The following STPG2 variants were observed in gnomAD, a reference collection of about 807,000 sequenced individuals.
STPG2 encodes the protein sperm tail PG-rich repeat containing 2.
In STPG2, 56 loss-of-function variants were observed where a neutral mutation model predicts 54.2. That is an observed-to-expected ratio of 1.03 (90% CI 0.83 to 1.29). The LOEUF (loss-of-function observed/expected upper bound fraction) is 1.29. Among genes scored for constraint, STPG2 ranks in the 50% most tolerant of loss-of-function variants. The pLI, the probability that STPG2 is intolerant of heterozygous loss-of-function variation, is 0.00. For synonymous variants in STPG2, 200 were observed against 181.8 expected (o/e 1.10, Z -0.81); for missense variants, 596 against 544.9 (o/e 1.09, Z -0.93).
intron 10 of STPG2, among the ~76,000 whole-genome samples, chr4:97,566,400 A>G (rs1321939047): frequency 6.6e-6 from 1 of 152,132 alleles, no homozygotes; most frequent in South Asian, 2.1e-4. Context: ...GAGTGAGGCA[A>G]TGCCTCGCCC....
intron 4 of STPG2, among the ~76,000 whole-genome samples, chr4:97,504,169 T>G (rs1730798266): frequency 6.8e-6 from 1 of 146,532 alleles, no homozygotes; most frequent in Non-Finnish European, 1.5e-5. Flanking sequence ...AATATTTATT[T>G]AAATATTTTA....
At chr4:98,104,917 T>C (rs1055109682) in intron 5 of STPG2, among the ~76,000 whole-genome samples, 4 of 152,172 alleles carry the variant, frequency 2.6e-5, no homozygotes, top group East Asian at 1.9e-4. Context: ...AGTATTACCA[T>C]TGTTGTGGAC....
At chr4:97,545,082 A>G (rs148344975) in intron 4 of STPG2, among the ~76,000 whole-genome samples, 308 of 152,224 alleles carry the variant, frequency 2.0e-3, no homozygotes, top group African/African-American at 7.3e-3. Context: ...GAAAGTCTGT[A>G]TATCTAAAAA....
intron 4 of STPG2, 133 bp from the exon 5 acceptor site, chr4:98,106,197 T>G: frequency 1.6e-6 from 1 of 617,436 alleles, no homozygotes; most frequent in Non-Finnish European, 2.4e-6. Context: ...TCTAGGTATA[T>G]TAGACCAATA....
intron 5 of STPG2, among the ~76,000 whole-genome samples, chr4:98,097,103 T>G: frequency 6.6e-6 from 1 of 152,180 alleles, no homozygotes; most frequent in Non-Finnish European, 1.5e-5. Flanking sequence ...AAGAAGAGAT[T>G]ACTTCCAAAC....
rs547236194 is a variant in STPG2 at position 97,566,057 on chromosome 4, G to A, written c.1321-6940C>T. ...CCCAGAGGTGGAGCCTACAGAGACA[G>A]GCAGGCCTCCTTGAGCTGTGGTGGG... is the stretch of plus-strand genomic sequence containing the variant. On this transcript the variant is annotated intron_variant, in intron 10 of 10. Coordinates refer to ENST00000295268, the MANE Select transcript of STPG2 (RefSeq NM_174952.3). Among the ~76,000 whole-genome samples the A allele has an allele frequency of 3.5e-3, 527 of 152,326 alleles. 4 individuals are homozygous for A. The highest frequency in any genetic ancestry group is 0.012 in the African/African-American group (490 of 41,576).
chr4:97,992,909 A>G (rs10025064), intron 5 of STPG2, among the ~76,000 whole-genome samples: 39,951 of 152,010 alleles, frequency 0.26, 5,705 homozygotes, highest in Middle Eastern at 0.36. Context: ...AAGCAGAGCT[A>G]CTGATTTGTG....
At chr4:97,805,062 C>T (rs1003984809) in intron 9 of STPG2, among the ~76,000 whole-genome samples, 7 of 152,144 alleles carry the variant, frequency 4.6e-5, no homozygotes, top group African/African-American at 9.7e-5. Flanking sequence ...CAACACATGA[C>T]TATATGTGTT....
At chr4:97,851,910 T>C (rs1034095545) in intron 8 of STPG2, among the ~76,000 whole-genome samples, 18 of 152,202 alleles carry the variant, frequency 1.2e-4, no homozygotes, top group African/African-American at 4.3e-4. Flanking sequence ...TTCCAGCAAA[T>C]GCTAATGCTA....
At chr4:97,801,271 GC>G (rs1411055292) in intron 9 of STPG2, among the ~76,000 whole-genome samples, 1 of 152,170 alleles carries the variant, frequency 6.6e-6, no homozygotes, top group African/African-American at 2.4e-5. Flanking sequence ...CTTCTGCGTT[GC>G]TCACGCTGGG....
intron 8 of STPG2, among the ~76,000 whole-genome samples, chr4:97,863,579 T>C (rs1729645420): frequency 6.6e-6 from 1 of 152,086 alleles, no homozygotes; most frequent in Non-Finnish European, 1.5e-5. Flanking sequence ...TAAGAGGGAA[T>C]CCTCCCTAAC....
chr4:97,738,834 A>G (rs549347307), intron 9 of STPG2, among the ~76,000 whole-genome samples: 1,883 of 152,230 alleles, frequency 0.012, 31 homozygotes, highest in African/African-American at 0.043. Context: ...ATACCCAGGA[A>G]TTGAACTCAG....
chr4:97,446,211 G>A (rs1273119146), intron 4 of STPG2, among the ~76,000 whole-genome samples: 1 of 152,126 alleles, frequency 6.6e-6, no homozygotes, highest in East Asian at 1.9e-4. Context: ...CAACTCACCT[G>A]ATTAAGGTAA....
chr4:97,947,250 A>T (rs1733266572), intron 7 of STPG2, among the ~76,000 whole-genome samples: 1 of 152,130 alleles, frequency 6.6e-6, no homozygotes, highest in Admixed American at 6.6e-5. Flanking sequence ...GACATTACTG[A>T]ATTTGATTAT....
chr4:97,649,568 T>C (rs1722007563), intron 10 of STPG2, among the ~76,000 whole-genome samples: 1 of 152,140 alleles, frequency 6.6e-6, no homozygotes, highest in African/African-American at 2.4e-5. Flanking sequence ...TGCTGGGCTT[T>C]GCCTGCAGAT....
At chr4:97,536,922 G>C (rs1731546177) in intron 4 of STPG2, among the ~76,000 whole-genome samples, 1 of 152,186 alleles carries the variant, frequency 6.6e-6, no homozygotes, top group Non-Finnish European at 1.5e-5. Context: ...ATTAGCTCAA[G>C]TGTTTCATAC....
At chr4:97,649,199 TTATGTGTAG>T in intron 10 of STPG2, among the ~76,000 whole-genome samples, 1 of 152,130 alleles carries the variant, frequency 6.6e-6, no homozygotes, top group Non-Finnish European at 1.5e-5. Context: ...ATTATCTTAA[TTATGTGTAG>T]TATTTTTCTA....
intron 4 of STPG2, among the ~76,000 whole-genome samples, chr4:97,484,817 A>G (rs1239055625): frequency 1.3e-5 from 2 of 151,968 alleles, no homozygotes; most frequent in Admixed American, 6.6e-5. Context: ...TTAACAAAAT[A>G]CTAGCTAACA....
intron 9 of STPG2, among the ~76,000 whole-genome samples, chr4:97,778,652 C>A (rs1010581544): frequency 6.6e-6 from 1 of 152,184 alleles, no homozygotes; most frequent in Non-Finnish European, 1.5e-5. Flanking sequence ...GGTCCCTGAC[C>A]CCCGAGTAGC....
Sources: allele counts gnomAD v4.1 joint callset (sites outside exome capture counted in the v4.1 genomes callset), GRCh38; gene constraint gnomAD v4.1.1; transcripts MANE v1.5; gene names NCBI Gene and HGNC (gene_info 2026-07-23, HGNC 2026-07-21).